MME: variants seen among roughly 807,000 people sequenced by gnomAD.
MME encodes neprilysin.
Under a neutral mutation model 113.2 loss-of-function variants are expected in MME, and 98 were observed. The observed-to-expected ratio is 0.87, with a 90% CI of 0.74 to 1.02. MME has a LOEUF of 1.02. Among genes scored for constraint, MME ranks in the 50% least tolerant of loss-of-function variants. The pLI, the probability that MME is intolerant of heterozygous loss-of-function variation, is 0.00. For missense variants in MME, 836 were observed against 896.0 expected, an observed-to-expected ratio of 0.93 and a Z score of 0.86; for synonymous variants, 292 against 300.6, an observed-to-expected ratio of 0.97 and a Z score of 0.30.
upstream of MME, among the ~76,000 whole-genome samples, chr3:155,076,552 A>G (rs1714756565): frequency 6.6e-6 from 1 of 152,208 alleles, no homozygotes; most frequent in African/African-American, 2.4e-5. Flanking sequence ...ACCCCAAAAG[A>G]GGGTTCTTGG....
chr3:155,099,552 G>A (rs1014861008), intron 3 of MME, among the ~76,000 whole-genome samples: 4 of 152,172 alleles, frequency 2.6e-5, no homozygotes, highest in African/African-American at 9.7e-5. Flanking sequence ...CAGCGGATTT[G>A]TTTCTCTGTT....
chr3:155,168,763 T>A lies in MME; in HGVS notation c.1946T>A (p.Ile649Asn). 6.2e-7 allele frequency: 1 copy of A among 1,613,452 alleles called. No individual in the cohort carries two copies. Among genetic ancestry groups the A allele is most frequent in the South Asian group, 1.1e-5 (1 of 91,062 alleles). Residue 649 changes from isoleucine (I) to asparagine (N), a missense_variant, in exon 20 of 23, where the codon ATT becomes AAT. Physicochemically the swap from Ile to Asn is moderately radical, Grantham distance 149 (BLOSUM62 -3). Transcript: ENST00000360490. ...GGAATTAATACACTGGGAGAAAACA[T>A]TGCTGATAATGGAGGTCTTGGTCAA... Reference protein sequence around the residue: ...LNGINTLGENIADNGGLGQAY... With the variant: ...LNGINTLGENNADNGGLGQAY...
At position 155,060,526 on chromosome 3, in the gene MME, G is replaced by T. The variant is rs73010275; in HGVS notation, c.-10-23632G>T. Among the ~76,000 whole-genome samples, 769 of 152,114 alleles carry T rather than the reference G, an allele frequency of 5.1e-3. 7 individuals carry two copies. The highest frequency in any genetic ancestry group is 0.017 in the African/African-American group (715 of 41,480). The stretch of plus-strand genomic sequence containing the variant: ...TCCCTGTAAGTAGGTGCTTACTGTT[G>T]TGATGGAGCAGAAGTTCTGAGACCC... On this transcript the variant is annotated intron_variant, in intron 1 of 22. Transcript: ENST00000492661.
intron 1 of MME, among the ~76,000 whole-genome samples, chr3:155,050,963 C>A (rs62279980): frequency 0.02 from 3,118 of 152,144 alleles, 78 homozygotes; most frequent in Non-Finnish European, 0.026. Context: ...GGGCAGAAAG[C>A]AAAACACATA....
At chr3:155,117,835 G>C (rs1450339138) in intron 7 of MME, among the ~76,000 whole-genome samples, 1 of 152,084 alleles carries the variant, frequency 6.6e-6, no homozygotes, top group Non-Finnish European at 1.5e-5. Flanking sequence ...CCTTCATGTG[G>C]AGATATCTTC....
chr3:155,096,881 G>C (rs549548021), intron 3 of MME, among the ~76,000 whole-genome samples: 1 of 152,044 alleles, frequency 6.6e-6, no homozygotes, highest in African/African-American at 2.4e-5. Context: ...ACCACACCCC[G>C]TTAAGTTTTG....
Position 155,084,307 on chromosome 3 carries a change from C to T in MME, c.140C>T (p.Ala47Val), listed in dbSNP as rs750841157. 1.2e-6 allele frequency: 2 copies of T among 1,614,176 alleles called. No individual in the cohort carries two copies. The highest frequency in any genetic ancestry group is 1.7e-6 in the Non-Finnish European group (2 of 1,180,026). ...LLTIIAVTMI[A>V]LYATYDDGIC... ...ACCATCATAGCTGTGACAATGATCG[C>T]ACTCTATGCAACCTACGATGGTGAG... The change falls in exon 2 of 23, where the codon GCA becomes GTA. Residue 47 changes from alanine (A) to valine (V), a missense_variant. By Grantham distance (64) the Ala-to-Val change is moderately conservative (BLOSUM62 0). Transcript: ENST00000360490.
At chr3:155,120,275 T>C (rs1179743908) in intron 8 of MME, among the ~76,000 whole-genome samples, 1 of 108,070 alleles carries the variant, frequency 9.3e-6, no homozygotes, top group Non-Finnish European at 2.0e-5. Flanking sequence ...TGTTTTTTTC[T>C]TGTAAATTTG....
intron 1 of MME, among the ~76,000 whole-genome samples, chr3:155,035,419 A>G (rs1434924783): frequency 2.0e-5 from 3 of 151,824 alleles, no homozygotes; most frequent in African/African-American, 7.2e-5. Context: ...TTCCCACCCT[A>G]TTATCATCCA....
chr3:155,160,598 C>T (rs970927215), intron 17 of MME, 150 bp downstream of exon 17: 13 of 595,510 alleles, frequency 2.2e-5, no homozygotes, highest in South Asian at 4.3e-5. Flanking sequence ...TAAATGCATC[C>T]GTGTACCTTC....
intron 3 of MME, chr3:155,090,086 A>C (rs1358294936): frequency 4.6e-6 from 1 of 218,320 alleles, no homozygotes; most frequent in African/African-American, 2.2e-5. Flanking sequence ...TTACAAGAGA[A>C]AGTGGGACCA....
intron 20 of MME, among the ~76,000 whole-genome samples, chr3:155,169,420 T>C (rs536804359): frequency 1.3e-5 from 2 of 152,280 alleles, no homozygotes; most frequent in Non-Finnish European, 2.9e-5. Context: ...TCATTGAGGC[T>C]TAATAGGTTT....
chr3:155,138,819 C>T (rs1195776739), intron 9 of MME, among the ~76,000 whole-genome samples: 1 of 152,084 alleles, frequency 6.6e-6, no homozygotes, highest in African/African-American at 2.4e-5. Context: ...TCTGAGTTGG[C>T]ACTTTCTTCC....
chr3:155,060,545 GA>G (rs1445175811), intron 1 of MME, among the ~76,000 whole-genome samples: 22 of 152,132 alleles, frequency 1.4e-4, no homozygotes, highest in African/African-American at 5.3e-4. Flanking sequence ...CAGAAGTTCT[GA>G]GACCCTGATG....
chr3:155,105,855 T>A (rs906314559), intron 3 of MME, among the ~76,000 whole-genome samples: 2 of 152,216 alleles, frequency 1.3e-5, no homozygotes, highest in African/African-American at 2.4e-5. Flanking sequence ...ATTATTATTA[T>A]TACATTTAAG....
intron 3 of MME, among the ~76,000 whole-genome samples, chr3:155,106,585 G>C (rs139379006): frequency 9.5e-4 from 144 of 152,214 alleles, no homozygotes; most frequent in African/African-American, 3.2e-3. Context: ...TGAATCCTTT[G>C]TGACCCGTTG....
chr3:155,042,925 T>TATAC (rs1713399342), intron 1 of MME, among the ~76,000 whole-genome samples: 2 of 63,958 alleles, frequency 3.1e-5, no homozygotes, highest in African/African-American at 1.6e-4. Context: ...TATATATATA[T>TATAC]ATATATATAT....
intron 1 of MME, among the ~76,000 whole-genome samples, chr3:155,059,235 G>A (rs1439609896): frequency 1.4e-5 from 2 of 143,102 alleles, no homozygotes; most frequent in Non-Finnish European, 3.0e-5. Flanking sequence ...CTCCAACTTG[G>A]GCTACAGAGC....
chr3:155,064,431 C>T (rs1483714514), intron 1 of MME, among the ~76,000 whole-genome samples: 1 of 152,148 alleles, frequency 6.6e-6, no homozygotes, highest in Non-Finnish European at 1.5e-5. Flanking sequence ...TTGGGAGATT[C>T]ATTAAGTGAG....
Sources: allele counts gnomAD v4.1 joint callset (sites outside exome capture counted in the v4.1 genomes callset), GRCh38; gene constraint gnomAD v4.1.1; transcripts MANE v1.5; gene names NCBI Gene and HGNC (gene_info 2026-07-23, HGNC 2026-07-21).